Variants in AKAP19 observed in about 807,000 individuals in gnomAD.
AKAP19 encodes the protein A-kinase anchoring protein 19.
the AKAP19 span, among the ~76,000 whole-genome samples, chr2:189,907,611 A>G: frequency 8.5e-5 from 13 of 152,186 alleles, no homozygotes; most frequent in African/African-American, 3.1e-4. Flanking sequence ...AATTTTTTTT[A>G]GTTATTGCTG....
At chr2:189,997,407 G>A in the AKAP19 span, among the ~76,000 whole-genome samples, 1 of 152,304 alleles carries the variant, frequency 6.6e-6, no homozygotes, top group South Asian at 2.1e-4. Context: ...ATCTGGTGGG[G>A]TACAGGGTTA....
the AKAP19 span, among the ~76,000 whole-genome samples, chr2:189,963,340 G>A: frequency 4.1e-5 from 6 of 144,794 alleles, no homozygotes; most frequent in South Asian, 2.2e-4. Context: ...GACTACAGGC[G>A]CCCACCACCA....
the AKAP19 span, among the ~76,000 whole-genome samples, chr2:189,909,389 T>C: frequency 7.9e-5 from 12 of 152,166 alleles, no homozygotes; most frequent in Middle Eastern, 3.4e-3. Context: ...TTGTTTATCA[T>C]GTTAATTGTT....
the AKAP19 span, among the ~76,000 whole-genome samples, chr2:189,919,935 G>A: frequency 8.0e-4 from 122 of 152,168 alleles, no homozygotes; most frequent in East Asian, 0.022. Context: ...GATATAAAGT[G>A]GCAAGTAGCA....
At chr2:189,961,128 G>A in the AKAP19 span, among the ~76,000 whole-genome samples, 1 of 152,148 alleles carries the variant, frequency 6.6e-6, no homozygotes, top group African/African-American at 2.4e-5. Context: ...GAAACAAAGT[G>A]GATTCCTTCT....
chr2:190,163,058 T>C, the AKAP19 span, among the ~76,000 whole-genome samples: 1 of 152,202 alleles, frequency 6.6e-6, no homozygotes, highest in Non-Finnish European at 1.5e-5. Flanking sequence ...GATGTAAACA[T>C]TATGCAACCG....
At chr2:189,936,618 G>A in the AKAP19 span, among the ~76,000 whole-genome samples, 1 of 151,854 alleles carries the variant, frequency 6.6e-6, no homozygotes, top group South Asian at 2.1e-4. Context: ...TACATTATAG[G>A]ATAAAGAAAC....
the AKAP19 span, among the ~76,000 whole-genome samples, chr2:190,145,249 A>C: frequency 6.6e-6 from 1 of 152,224 alleles, no homozygotes; most frequent in South Asian, 2.1e-4. Context: ...ATCACATGAC[A>C]GAGTGAGACC....
chr2:190,149,321 C>A, the AKAP19 span, among the ~76,000 whole-genome samples: 2 of 151,876 alleles, frequency 1.3e-5, no homozygotes, highest in Non-Finnish European at 2.9e-5. Context: ...GTTTCAATTT[C>A]ACTTAGTTCT....
the AKAP19 span, among the ~76,000 whole-genome samples, chr2:189,959,100 A>G: frequency 6.6e-6 from 1 of 152,120 alleles, no homozygotes; most frequent in Non-Finnish European, 1.5e-5. Context: ...GATGGAATAT[A>G]AATATTCATT....
At chr2:190,043,173 G>A in the AKAP19 span, among the ~76,000 whole-genome samples, 2 of 151,942 alleles carry the variant, frequency 1.3e-5, no homozygotes, top group African/African-American at 4.8e-5. Flanking sequence ...ATGTGTCTTG[G>A]GGGTGATCTT....
At chr2:189,982,010 C>T in the AKAP19 span, among the ~76,000 whole-genome samples, 1 of 150,098 alleles carries the variant, frequency 6.7e-6, no homozygotes, top group Non-Finnish European at 1.5e-5. Flanking sequence ...TGGCATCTTG[C>T]AGGTGTGCTT....
the AKAP19 span, chr2:190,200,058 T>A: frequency 8.7e-6 from 14 of 1,614,092 alleles, no homozygotes; most frequent in South Asian, 1.5e-4. Flanking sequence ...ACCGCCTGTC[T>A]CAGGATATCT....
At chr2:190,136,950 A>C in the AKAP19 span, among the ~76,000 whole-genome samples, 2 of 152,248 alleles carry the variant, frequency 1.3e-5, no homozygotes, top group African/African-American at 2.4e-5. Flanking sequence ...GGAATATGGT[A>C]AAAGCTCCTT....
the AKAP19 span, among the ~76,000 whole-genome samples, chr2:189,969,858 T>G: frequency 7.0e-5 from 10 of 142,538 alleles, no homozygotes; most frequent in Non-Finnish European, 1.3e-4. Flanking sequence ...CTTTTTCACT[T>G]TCTTCTTCTT....
chr2:190,006,488 A>T, the AKAP19 span, among the ~76,000 whole-genome samples: 2 of 151,900 alleles, frequency 1.3e-5, no homozygotes, highest in African/African-American at 4.8e-5. Flanking sequence ...TCTACTAAAA[A>T]TACAAAAGAA....
At chr2:190,200,051 G>T in the AKAP19 span, 1 of 1,614,082 alleles carries the variant, frequency 6.2e-7, no homozygotes, top group Non-Finnish European at 8.5e-7. Flanking sequence ...TATGCACACC[G>T]CCTGTCTCAG....
At chr2:190,119,698 G>C in the AKAP19 span, among the ~76,000 whole-genome samples, 3 of 152,104 alleles carry the variant, frequency 2.0e-5, no homozygotes, top group African/African-American at 7.2e-5. Context: ...CTCTCTATCT[G>C]CCTAAAATAA....
At chr2:189,889,553 G>C in the AKAP19 span, among the ~76,000 whole-genome samples, 1 of 152,114 alleles carries the variant, frequency 6.6e-6, no homozygotes, top group Non-Finnish European at 1.5e-5. Flanking sequence ...GAATCTGTCT[G>C]GTCCTGGGCT....
Sources: allele counts gnomAD v4.1 joint callset (sites outside exome capture counted in the v4.1 genomes callset), GRCh38; gene constraint gnomAD v4.1.1; transcripts MANE v1.5; gene names NCBI Gene and HGNC (gene_info 2026-07-23, HGNC 2026-07-21).